The following SLC2A5 variants were observed in gnomAD, a reference collection of about 807,000 sequenced individuals.
The protein encoded by SLC2A5 is solute carrier family 2, facilitated glucose transporter member 5.
Under a neutral mutation model 50.3 loss-of-function variants are expected in SLC2A5, and 56 were observed. That is an observed-to-expected ratio of 1.11 (90% CI 0.90 to 1.39). SLC2A5 has a LOEUF of 1.39. Ranked by LOEUF, SLC2A5 falls within the 40% of genes most tolerant of loss-of-function variation. SLC2A5 has a pLI of 0.00. For synonymous variants in SLC2A5, 269 were observed against 281.9 expected, an observed-to-expected ratio of 0.95 and a Z score of 0.46; for missense variants, 566 against 650.1, an observed-to-expected ratio of 0.87 and a Z score of 1.41.
At chr1:9,082,164 G>A (rs1277029971) in intron 2 of SLC2A5, among the ~76,000 whole-genome samples, 1 of 152,108 alleles carries the variant, frequency 6.6e-6, no homozygotes, top group East Asian at 1.9e-4. Context: ...ATGTAAAATG[G>A]TTCAGCTACT....
rs1394214809 is a variant in SLC2A5, at chr1:9,039,651, G to C, written c.897C>G (p.Tyr299Ter). The change falls in exon 8 of 12, where the codon TAC becomes TAG. Residue 299 changes from tyrosine (Y) to a stop codon, truncating the protein, a stop_gained. Coordinates refer to ENST00000377424, the MANE Select transcript of SLC2A5 (RefSeq NM_003039.3). LOFTEE classifies it high-confidence loss of function. Reference sequence around the variant, plus strand: ...CGGCGCTCAGGTAGATCTGGTCCGCGTAGTAGTAGATCTGCAAGGCAAGCG... The same window carrying C: ...CGGCGCTCAGGTAGATCTGGTCCGCCTAGTAGTAGATCTGCAAGGCAAGCG... ...QLSGVNAIYYYADQIYLSAGV... is the reference protein window; with the variant it reads ...QLSGVNAIYY 2 of 1,548,262 alleles carry C rather than the reference G, an allele frequency of 1.3e-6. No homozygotes were observed. The highest frequency in any genetic ancestry group is 1.4e-5 in the African/African-American group (1 of 72,180).
At chr1:9,069,369 C>T in intron 1 of SLC2A5, 135 bp downstream of exon 1, 1 of 876,228 alleles carries the variant, frequency 1.1e-6, no homozygotes, top group Non-Finnish European at 1.8e-6. Context: ...CTTTCCCCCT[C>T]TCCCCACCAT....
At chr1:9,071,763 G>A (rs887576190), upstream of SLC2A5, 7 of 152,424 alleles carry the variant, frequency 4.6e-5, no homozygotes, top group Admixed American at 3.3e-4. Flanking sequence ...AGCCGAGCGC[G>A]GGGACGGGGG....
intron 2 of SLC2A5, among the ~76,000 whole-genome samples, chr1:9,082,278 T>C (rs886992280): frequency 2.6e-5 from 4 of 152,138 alleles, no homozygotes; most frequent in African/African-American, 9.7e-5. Flanking sequence ...ATGAAAAACA[T>C]GTACTCAAGC....
intron 1 of SLC2A5, among the ~76,000 whole-genome samples, chr1:9,085,396 T>C (rs1340079034): frequency 1.3e-5 from 2 of 152,192 alleles, no homozygotes; most frequent in Non-Finnish European, 2.9e-5. Context: ...ATAGGTAAAT[T>C]TAGACACTTT....
chr1:9,059,554 T>C (rs1275867143), intron 1 of SLC2A5, among the ~76,000 whole-genome samples: 38 of 81,754 alleles, frequency 4.6e-4, no homozygotes, highest in Non-Finnish European at 1.7e-4. Flanking sequence ...TTTTTTTTTT[T>C]CTGAGACATT....
At position 9,040,096 on chromosome 1, in the gene SLC2A5, A is replaced by G; in HGVS notation, c.665T>C (p.Ile222Thr). Residue 222 changes from isoleucine to threonine, a missense_variant, in exon 6 of 12, where the codon ATT becomes ACT. By Grantham distance (89) the Ile-to-Thr change is moderately conservative. Coordinates refer to ENST00000377424, the MANE Select transcript of SLC2A5 (RefSeq NM_003039.3). The surrounding 1 kb of genome is among the most constrained non-coding windows in gnomAD (Gnocchi z 4.3). ...FFPESPRYLL[I>T]QKKDEAAAKK... ...GGCGGCCGCTTCGTCTTTCTTCTGA[A>G]TCAGCAGGTACCTGGGGCTCTCGGG... 6.3e-7 allele frequency: 1 copy of G among 1,596,798 alleles called. No homozygotes were observed. Among genetic ancestry groups the G allele is most frequent in the Non-Finnish European group, 8.5e-7 (1 of 1,171,734 alleles).
chr1:9,061,989 T>C (rs1569892132), intron 1 of SLC2A5, among the ~76,000 whole-genome samples: 1 of 152,222 alleles, frequency 6.6e-6, no homozygotes, highest in African/African-American at 2.4e-5. Context: ...CCCTCCATTC[T>C]TTCACTGCCT....
intron 1 of SLC2A5, among the ~76,000 whole-genome samples, chr1:9,059,388 C>A (rs1165850975): frequency 6.6e-6 from 1 of 151,800 alleles, no homozygotes; most frequent in Non-Finnish European, 1.5e-5. Context: ...CGTGATCTGC[C>A]TGCCTTGGCC....
At chr1:9,042,263 A>G (rs1048666965) in intron 4 of SLC2A5, among the ~76,000 whole-genome samples, 1 of 152,118 alleles carries the variant, frequency 6.6e-6, no homozygotes, top group Non-Finnish European at 1.5e-5. Context: ...TCTGTTTCAT[A>G]AAAGGCAAGG....
intron 1 of SLC2A5, among the ~76,000 whole-genome samples, chr1:9,064,608 A>T (rs1642033888): frequency 6.6e-6 from 1 of 152,196 alleles, no homozygotes; most frequent in Admixed American, 6.5e-5. Context: ...GGGCCAGCAA[A>T]GCACTGAAAT....
Position 9,035,935 on chromosome 1 carries a change from C to T in SLC2A5, c.*1651G>A, listed in dbSNP as rs1198816853. 6.6e-6 allele frequency: 1 copy of T among 152,176 alleles called. No homozygotes were observed. The highest frequency in any genetic ancestry group is 2.4e-5 in the African/African-American group (1 of 41,432). 9.4% of individuals were successfully genotyped at this position (152,176 alleles called of 1,614,324 possible). On this transcript the variant is annotated 3_prime_UTR_variant, in exon 12 of 12. Coordinates refer to ENST00000377424, the MANE Select transcript of SLC2A5 (RefSeq NM_003039.3). ...CAGATCTCATGAGGCTGATTCACTA[C>T]CATGAGAACAGTATGGGGGAAATTG...
upstream of SLC2A5, among the ~76,000 whole-genome samples, chr1:9,089,867 G>A (rs1300418979): frequency 6.6e-6 from 1 of 152,202 alleles, no homozygotes; most frequent in Non-Finnish European, 1.5e-5. Context: ...GGAGGAATGA[G>A]GGTCCCTGGG....
chr1:9,076,228 T>A (rs1487924837), intron 2 of SLC2A5, among the ~76,000 whole-genome samples: 1 of 152,138 alleles, frequency 6.6e-6, no homozygotes, highest in Non-Finnish European at 1.5e-5. Flanking sequence ...AGTGCTGGGA[T>A]TACAGGCGTG....
upstream of SLC2A5, chr1:9,069,756 G>T: frequency 1.7e-6 from 1 of 589,808 alleles, no homozygotes; most frequent in Non-Finnish European, 3.0e-6. Context: ...CTAAGTAAGT[G>T]GGTGCCCCCT....
At chr1:9,078,263 C>T (rs756670622) in intron 2 of SLC2A5, among the ~76,000 whole-genome samples, 2 of 152,146 alleles carry the variant, frequency 1.3e-5, no homozygotes, top group Non-Finnish European at 2.9e-5. Flanking sequence ...ATCTTGGTTT[C>T]GGTGGGTTTT....
In SLC2A5 at chr1:9,040,589, C is replaced by G; in HGVS notation, c.572-400G>C. On this transcript the variant is annotated intron_variant, in intron 5 of 11. Transcript: ENST00000377424. The surrounding 1 kb of genome is among the most constrained non-coding windows in gnomAD (Gnocchi z 4.3). ...CTGAACTGGAATGGTCACGGCAGCTCTGATTACAGAAAGGACACCAGAAAC... is the reference window on the plus strand; with the variant it reads ...CTGAACTGGAATGGTCACGGCAGCTGTGATTACAGAAAGGACACCAGAAAC... The G allele has an allele frequency of 5.3e-6, 1 of 189,706 alleles. No individual in the cohort carries two copies. Among genetic ancestry groups the G allele is most frequent in the South Asian group, 1.3e-4 (1 of 7,778 alleles). 11.8% of individuals were successfully genotyped at this position (189,706 alleles called of 1,614,324 possible).
chr1:9,072,818 C>T (rs559045293), upstream of SLC2A5, among the ~76,000 whole-genome samples: 258 of 139,860 alleles, frequency 1.8e-3, 2 homozygotes, highest in African/African-American at 6.7e-3. Context: ...AAAAATTAGC[C>T]GGTCGTGGTG....
At chr1:9,080,737 C>A (rs187495985) in intron 2 of SLC2A5, among the ~76,000 whole-genome samples, 45 of 152,294 alleles carry the variant, frequency 3.0e-4, no homozygotes, top group Middle Eastern at 6.8e-3. Context: ...GTGCAGGAGC[C>A]AGCTTATATA....
Sources: allele counts gnomAD v4.1 joint callset (sites outside exome capture counted in the v4.1 genomes callset), GRCh38; gene constraint gnomAD v4.1.1; non-coding constraint Gnocchi (gnomAD v3.1); transcripts MANE v1.5; gene names NCBI Gene and HGNC (gene_info 2026-07-23, HGNC 2026-07-21).